The following SCCPDH variants were observed in gnomAD, a reference collection of about 807,000 sequenced individuals.
The protein encoded by SCCPDH is saccharopine dehydrogenase (putative), also known as saccharopine dehydrogenase-like oxidoreductase.
A neutral mutation model predicts 51.5 loss-of-function variants in SCCPDH; 34 were observed. The ratio of observed to expected loss-of-function variants is 0.66; its 90% CI spans 0.50 to 0.88. The LOEUF is 0.88. Ranked by LOEUF, SCCPDH falls within the 40% of genes least tolerant of loss-of-function variation. The pLI, the probability that SCCPDH is intolerant of heterozygous loss-of-function variation, is 0.00. For synonymous variants in SCCPDH, 187 were observed against 191.3 expected (o/e 0.98, Z 0.19); for missense variants, 464 against 527.1 (o/e 0.88, Z 1.17).
chr1:246,726,152 C>T (rs1668396840), intron 1 of SCCPDH, among the ~76,000 whole-genome samples: 1 of 152,210 alleles, frequency 6.6e-6, no homozygotes, highest in Non-Finnish European at 1.5e-5. Context: ...CCACTGCACC[C>T]AGCCCTGATG....
At chr1:246,752,710 C>T (rs1361393631) in intron 5 of SCCPDH, among the ~76,000 whole-genome samples, 2 of 151,718 alleles carry the variant, frequency 1.3e-5, no homozygotes, top group South Asian at 2.1e-4. Flanking sequence ...TCTTTGTCTG[C>T]GGTGGGGAGC....
intron 5 of SCCPDH, among the ~76,000 whole-genome samples, 188 bp downstream of exon 5, chr1:246,744,313 A>AT (rs1228421986): frequency 2.0e-5 from 3 of 151,362 alleles, no homozygotes; most frequent in African/African-American, 7.3e-5. Flanking sequence ...ATTTTATTTT[A>AT]TTTTATTTAT....
chr1:246,736,807 T>A (rs1000240957), intron 3 of SCCPDH, among the ~76,000 whole-genome samples: 1 of 152,240 alleles, frequency 6.6e-6, no homozygotes, highest in African/African-American at 2.4e-5. Context: ...ATGTTCACAT[T>A]TATTGAATGC....
chr1:246,752,070 G>A (rs749958074), intron 5 of SCCPDH, among the ~76,000 whole-genome samples: 39 of 151,214 alleles, frequency 2.6e-4, no homozygotes, highest in South Asian at 1.3e-3. Context: ...CTGAGCCACC[G>A]CGCCCGGCTA....
chr1:246,727,217 A>G (rs1412162776), intron 2 of SCCPDH, among the ~76,000 whole-genome samples: 3 of 152,182 alleles, frequency 2.0e-5, no homozygotes, highest in African/African-American at 7.2e-5. Context: ...TCCTTAGGGC[A>G]TGTGTGCTGG....
intron 1 of SCCPDH, among the ~76,000 whole-genome samples, chr1:246,726,389 C>T (rs77292627): frequency 1.1e-4 from 16 of 151,460 alleles, no homozygotes; most frequent in Non-Finnish European, 1.8e-4. Flanking sequence ...GGCTATGCCA[C>T]CATGTCAGAT....
At chr1:246,751,029 C>T (rs762525163) in intron 5 of SCCPDH, among the ~76,000 whole-genome samples, 2 of 152,236 alleles carry the variant, frequency 1.3e-5, no homozygotes, top group Non-Finnish European at 2.9e-5. Flanking sequence ...AACAACATTT[C>T]GCTCATAAGG....
rs1179402694 is a variant in SCCPDH at position 246,735,836 on chromosome 1, T to G, written c.304-139T>G. The G allele has an allele frequency of 5.1e-6, 3 of 583,480 alleles. No homozygotes were observed. The Admixed American group carries it at 9.8e-5, about 19-fold the overall frequency. The allele number at this position is 583,480 out of a possible 1,614,324, so 36.1% of individuals were successfully genotyped here. ...TGTGAGCCACTGTGCCTGGCCACTT[T>G]CTGAATTTATCTTTAGGCTATTTTA... On this transcript the variant is annotated intron_variant, in intron 2 of 11. Coordinates refer to ENST00000366510, the MANE Select transcript of SCCPDH (RefSeq NM_016002.3).
chr1:246,735,654 C>A (rs1347300802), intron 2 of SCCPDH, among the ~76,000 whole-genome samples: 1 of 152,194 alleles, frequency 6.6e-6, no homozygotes, highest in Non-Finnish European at 1.5e-5. Flanking sequence ...GCCTCAGCCT[C>A]CCGAGTAGCT....
At position 246,760,154 on chromosome 1, in the gene SCCPDH, T is replaced by G. The variant is rs766335409; in HGVS notation, c.934-17T>G. On this transcript the variant is annotated splice_polypyrimidine_tract_variant and intron_variant, in intron 8 of 11. Transcript: ENST00000366510. ...AGTTTTAAAAAAATATCACTGACGG[T>G]TTTTTTTTCCCTTTAGTTCCCATGG... The G allele has an allele frequency of 4.6e-5, 74 of 1,591,906 alleles. 1 individual carries two copies. The highest frequency in any genetic ancestry group is 4.4e-4 in the South Asian group (38 of 85,550).
At position 246,733,985 on chromosome 1, in the gene SCCPDH, G is replaced by A. The variant is rs1668532950; in HGVS notation, c.304-1990G>A. Among the ~76,000 whole-genome samples the A allele has an allele frequency of 8.5e-5, 13 of 152,296 alleles. No individual in the cohort carries two copies. In the South Asian group the frequency reaches 2.7e-3, roughly 32 times the overall value. On this transcript the variant is annotated intron_variant, in intron 2 of 11. Transcript: ENST00000366510. ...GATTTTATTGAAGTTGGGAGAGTAG[G>A]TGAGATTTCCTGGGAGAATGTCTGG...
At chr1:246,730,904 C>T (rs1310533347) in intron 2 of SCCPDH, among the ~76,000 whole-genome samples, 1 of 152,012 alleles carries the variant, frequency 6.6e-6, no homozygotes, top group East Asian at 1.9e-4. Flanking sequence ...ACTAAAAATA[C>T]AAAAAATTAG....
intron 5 of SCCPDH, among the ~76,000 whole-genome samples, chr1:246,756,391 T>C (rs556075117): frequency 6.6e-6 from 1 of 152,206 alleles, no homozygotes; most frequent in African/African-American, 2.4e-5. Flanking sequence ...TACCTGTAGT[T>C]CTTGACCTGG....
rs772410338 is a variant in SCCPDH, at chr1:246,724,512, G to C, written c.90G>C (p.Glu30Asp). The C allele has an allele frequency of 2.5e-6, 4 of 1,568,890 alleles. 1 individual carries two copies. In the East Asian group the frequency reaches 9.7e-5, roughly 38 times the overall value. Reference protein sequence around the residue: ...GQFVTEEVAREQVDPERSSRL... With the variant: ...GQFVTEEVARDQVDPERSSRL... ...TCGTGACCGAGGAGGTGGCCCGGGA[G>C]CAGGTGGACCCGGAGCGGAGCTCCC... Residue 30 changes from glutamate to aspartate, a missense_variant, in exon 1 of 12, where the codon GAG (glutamate) becomes GAC (aspartate). Glu to Asp is a conservative substitution (Grantham distance 45). Transcript: ENST00000366510.
chr1:246,759,373 A>G (rs1268399025), intron 7 of SCCPDH, among the ~76,000 whole-genome samples: 2 of 152,210 alleles, frequency 1.3e-5, no homozygotes, highest in Non-Finnish European at 2.9e-5. Flanking sequence ...ATGTAACACA[A>G]TAGCAGCAAA....
intron 2 of SCCPDH, among the ~76,000 whole-genome samples, chr1:246,729,370 CA>C (rs148943761): frequency 0.23 from 35,038 of 151,942 alleles, 4,287 homozygotes; most frequent in South Asian, 0.3. Flanking sequence ...TCTTCAACTG[CA>C]TAAGACAGAC....
At chr1:246,759,909 C>A in intron 7 of SCCPDH, 48 bp from the exon 8 acceptor site, 1 of 1,575,808 alleles carries the variant, frequency 6.3e-7, no homozygotes, top group South Asian at 1.2e-5. Flanking sequence ...CTTACTTGGT[C>A]CAAAATGTAG....
chr1:246,741,023 T>TTA (rs1272444690), intron 4 of SCCPDH, among the ~76,000 whole-genome samples: 1 of 151,994 alleles, frequency 6.6e-6, no homozygotes, highest in Non-Finnish European at 1.5e-5. Context: ...GTTTGAGGCT[T>TTA]TAGTAAGCTA....
Position 246,758,344 on chromosome 1 carries a change from A to G in SCCPDH, c.683A>G (p.Lys228Arg). Residue 228 changes from lysine (K) to arginine (R), a missense_variant, in exon 6 of 12, where the codon AAA (lysine) becomes AGA (arginine). Lys to Arg is a conservative substitution (Grantham distance 26). Coordinates refer to ENST00000366510, the MANE Select transcript of SCCPDH (RefSeq NM_016002.3). ...NLKPVPLIGP[K>R]LKRRWPISYC... ...AAACCTGTCCCGCTCATTGGTCCAAAATTGAAGAGAAGGTAAATTAACTTA... is the reference window on the plus strand; with the variant it reads ...AAACCTGTCCCGCTCATTGGTCCAAGATTGAAGAGAAGGTAAATTAACTTA... 3.1e-6 allele frequency: 5 copies of G among 1,602,096 alleles called. No individual in the cohort carries two copies. Among genetic ancestry groups the G allele is most frequent in the Non-Finnish European group, 4.3e-6 (5 of 1,175,630 alleles).
Sources: gnomAD v4.1 joint callset for allele counts (sites outside exome capture counted in the v4.1 genomes callset) on GRCh38, gnomAD v4.1.1 for gene constraint, MANE v1.5 for transcripts, NCBI Gene and HGNC (gene_info 2026-07-23, HGNC 2026-07-21) for gene names.